The following CADM2 variants were observed in gnomAD, a reference collection of about 807,000 sequenced individuals.
The protein encoded by CADM2 is immunoglobulin superfamily member 4D.
Under a neutral mutation model 49.8 loss-of-function variants are expected in CADM2, and 12 were observed. That is an observed-to-expected ratio of 0.24 (90% CI 0.15 to 0.39). The LOEUF (loss-of-function observed/expected upper bound fraction) is 0.39. Ranked by LOEUF, CADM2 falls within the 10% of genes least tolerant of loss-of-function variation. The pLI is 1.00. For synonymous variants in CADM2, 214 were observed against 175.4 expected (o/e 1.22, Z -1.74); for missense variants, 378 against 492.3 (o/e 0.77, Z 2.20).
chr3:85,414,818 T>C (rs915768182), intron 1 of CADM2, among the ~76,000 whole-genome samples: 2 of 152,168 alleles, frequency 1.3e-5, no homozygotes, highest in African/African-American at 4.8e-5. Context: ...TTTCTGCCTA[T>C]GTGTTATGCG....
chr3:85,767,829 AT>A (rs2107929004), intron 2 of CADM2, among the ~76,000 whole-genome samples: 1 of 152,304 alleles, frequency 6.6e-6, no homozygotes, highest in East Asian at 1.9e-4. Context: ...CAGAAATAAA[AT>A]TATAAAAGAT....
chr3:85,739,782 T>C (rs1360053763), intron 2 of CADM2, among the ~76,000 whole-genome samples: 1 of 152,166 alleles, frequency 6.6e-6, no homozygotes, highest in African/African-American at 2.4e-5. Flanking sequence ...CTATCTCATA[T>C]AACATAAGCT....
chr3:85,676,375 AT>A (rs1008124508), intron 1 of CADM2, among the ~76,000 whole-genome samples: 1 of 152,138 alleles, frequency 6.6e-6, no homozygotes, highest in African/African-American at 2.4e-5. Context: ...TATTCATGAA[AT>A]TTTTGATAAG....
chr3:85,005,250 CT>C (rs1410977529), intron 1 of CADM2, among the ~76,000 whole-genome samples: 2 of 152,104 alleles, frequency 1.3e-5, no homozygotes, highest in African/African-American at 2.4e-5. Flanking sequence ...AGCACTGCTA[CT>C]TTAGCAGGAA....
In CADM2 at chr3:86,056,656, CTGCACTCCTGATAA is replaced by C. The variant is rs373501025; in HGVS notation, c.971-8947_971-8934del. The stretch of plus-strand genomic sequence containing the variant: ...TGCACGGAGTGGCAACAGTTTCCTT[CTGCACTCCTGATAA>C]TCACATTGCACTTACTGAAACAGTT... On this transcript the variant is annotated intron_variant, in intron 8 of 9. Coordinates refer to ENST00000383699, the MANE Select transcript of CADM2 (RefSeq NM_001167675.2). Among the ~76,000 whole-genome samples, 363 of 152,328 alleles carry C rather than the reference CTGCACTCCTGATAA, an allele frequency of 2.4e-3. 1 individual carries two copies. Among genetic ancestry groups the C allele is most frequent in the African/African-American group, 8.5e-3 (354 of 41,574 alleles).
At chr3:85,364,865 C>CCAACAACAA (rs1475167606) in intron 1 of CADM2, among the ~76,000 whole-genome samples, 13 of 88,944 alleles carry the variant, frequency 1.5e-4, no homozygotes, top group African/African-American at 3.7e-4. Context: ...TATGCTTGTT[C>CCAACAACAA]CTACAACAAC....
At chr3:85,931,912 AATT>A (rs1370607271) in intron 6 of CADM2, among the ~76,000 whole-genome samples, 9 of 151,136 alleles carry the variant, frequency 6.0e-5, no homozygotes, top group Non-Finnish European at 1.2e-4. Context: ...TAAATTTATT[AATT>A]ATTAAAATTA....
chr3:85,610,219 G>C (rs2063642748), intron 1 of CADM2, among the ~76,000 whole-genome samples: 1 of 151,812 alleles, frequency 6.6e-6, no homozygotes, highest in East Asian at 1.9e-4. Flanking sequence ...CAATCTTTAT[G>C]CAAAAGATCT....
chr3:85,874,513 G>A (rs1711548627), intron 3 of CADM2, among the ~76,000 whole-genome samples: 1 of 152,046 alleles, frequency 6.6e-6, no homozygotes, highest in Non-Finnish European at 1.5e-5. Flanking sequence ...GCTACATATG[G>A]TGATGGTTTT....
At chr3:85,425,030 G>T (rs781683016) in intron 1 of CADM2, among the ~76,000 whole-genome samples, 9 of 152,010 alleles carry the variant, frequency 5.9e-5, no homozygotes, top group Non-Finnish European at 1.2e-4. Context: ...CTTAAAAAAA[G>T]AATTCATCTA....
intron 1 of CADM2, among the ~76,000 whole-genome samples, chr3:85,099,893 C>T (rs1337486357): frequency 6.6e-6 from 1 of 152,124 alleles, no homozygotes; most frequent in Non-Finnish European, 1.5e-5. Flanking sequence ...GAGAACAGAG[C>T]AATAGTGAGT....
intron 2 of CADM2, among the ~76,000 whole-genome samples, chr3:85,792,952 C>G (rs1044402490): frequency 9.9e-5 from 15 of 151,938 alleles, no homozygotes; most frequent in Admixed American, 6.6e-4. Context: ...TGATAGTGTG[C>G]TGGATTCTTG....
intron 8 of CADM2, among the ~76,000 whole-genome samples, chr3:86,055,884 G>C (rs980958119): frequency 6.0e-4 from 91 of 152,112 alleles, no homozygotes; most frequent in African/African-American, 2.1e-3. Flanking sequence ...ACTCTACACT[G>C]GTCACATGGA....
intron 1 of CADM2, among the ~76,000 whole-genome samples, chr3:84,964,893 A>C (rs1185838552): frequency 1.3e-5 from 2 of 152,210 alleles, no homozygotes; most frequent in African/African-American, 4.8e-5. Context: ...CAAGTCACAT[A>C]AGAGTTAATT....
At chr3:85,170,223 ATTAAT>A (rs1188602674) in intron 1 of CADM2, among the ~76,000 whole-genome samples, 3 of 152,182 alleles carry the variant, frequency 2.0e-5, no homozygotes, top group Admixed American at 2.0e-4. Context: ...ACATTGTGTG[ATTAAT>A]TTATTCTGGC....
chr3:85,885,835 G>A (rs1257452788), intron 4 of CADM2, among the ~76,000 whole-genome samples: 1 of 121,042 alleles, frequency 8.3e-6, no homozygotes, highest in Non-Finnish European at 1.6e-5. Flanking sequence ...CTGGGCGACA[G>A]AGCAAGATCC....
intron 1 of CADM2, among the ~76,000 whole-genome samples, chr3:85,597,991 C>T (rs1329254171): frequency 6.6e-6 from 1 of 151,914 alleles, no homozygotes; most frequent in African/African-American, 2.4e-5. Flanking sequence ...ATTACAGATT[C>T]TCTTTTTGTA....
intron 2 of CADM2, chr3:85,800,876 G>C (rs1039717016): frequency 6.6e-6 from 1 of 152,186 alleles, no homozygotes; most frequent in Non-Finnish European, 1.5e-5. Flanking sequence ...GGAATCCCTG[G>C]TAATAAGATT....
intron 8 of CADM2, among the ~76,000 whole-genome samples, chr3:85,980,087 T>G (rs1320432594): frequency 6.6e-6 from 1 of 151,456 alleles, no homozygotes; most frequent in East Asian, 1.9e-4. Context: ...AAAAACATGG[T>G]TTAATTTCTA....
Sources: gnomAD v4.1 joint callset for allele counts (sites outside exome capture counted in the v4.1 genomes callset) on GRCh38, gnomAD v4.1.1 for gene constraint, MANE v1.5 for transcripts, NCBI Gene and HGNC (gene_info 2026-07-23, HGNC 2026-07-21) for gene names.